Variants in CUX1 observed in about 807,000 individuals in gnomAD.
The protein encoded by CUX1 is cut like homeobox 1, also known as protein CASP.
A neutral mutation model predicts 158.8 loss-of-function variants in CUX1; 31 were observed. The ratio of observed to expected loss-of-function variants is 0.20; its 90% CI spans 0.15 to 0.26. The LOEUF (loss-of-function observed/expected upper bound fraction) is 0.26, where lower values mean the gene tolerates loss of function less well. Among genes scored for constraint, CUX1 ranks in the 10% least tolerant of loss-of-function variants. The probability of loss-of-function intolerance (pLI) is 1.00; values close to 1 mark genes in which losing one functional copy is unlikely to be tolerated. For synonymous variants in CUX1, 879 were observed against 862.1 expected (o/e 1.02, Z -0.34); for missense variants, 1,589 against 2,014.6 (o/e 0.79, Z 4.04).
chr7:102,205,264 A>G (rs1795834728), intron 20 of CUX1, 94 bp downstream of exon 20: 1 of 927,918 alleles, frequency 1.1e-6, no homozygotes, highest in Non-Finnish European at 1.8e-6. Context: ...ACTCCGAGGG[A>G]CCGCACATTC....
At chr7:101,971,175 T>C (rs1299105371) in intron 2 of CUX1, among the ~76,000 whole-genome samples, 1 of 152,252 alleles carries the variant, frequency 6.6e-6, no homozygotes, top group Non-Finnish European at 1.5e-5. Context: ...GAGCTCATAT[T>C]GAGTCTGGGT....
chr7:102,117,308 G>A (rs1831527247), intron 8 of CUX1, among the ~76,000 whole-genome samples: 1 of 145,358 alleles, frequency 6.9e-6, no homozygotes, highest in East Asian at 2.1e-4. Flanking sequence ...TGAGGCAGGA[G>A]AATCGCTTGA....
At chr7:102,123,465 C>G (rs1337728977) in intron 8 of CUX1, among the ~76,000 whole-genome samples, 2 of 150,824 alleles carry the variant, frequency 1.3e-5, no homozygotes, top group Admixed American at 6.6e-5. Context: ...AAAAATGAGC[C>G]AGGCGTGGTG....
intron 2 of CUX1, among the ~76,000 whole-genome samples, chr7:101,998,527 C>T (rs923511506): frequency 6.6e-6 from 1 of 152,210 alleles, no homozygotes; most frequent in African/African-American, 2.4e-5. Context: ...GGGCATCTGT[C>T]GTCTTCGTCC....
At chr7:102,134,712 C>T (rs1263102172) in intron 8 of CUX1, among the ~76,000 whole-genome samples, 1 of 152,206 alleles carries the variant, frequency 6.6e-6, no homozygotes, top group Non-Finnish European at 1.5e-5. Context: ...ATCCTCCCAC[C>T]TCAGCCTCCT....
At chr7:102,108,877 C>A (rs1263304644) in intron 6 of CUX1, among the ~76,000 whole-genome samples, 2 of 151,976 alleles carry the variant, frequency 1.3e-5, no homozygotes, top group African/African-American at 4.8e-5. Context: ...GCTTCAGCCT[C>A]CCAAATAGCT....
intron 6 of CUX1, among the ~76,000 whole-genome samples, chr7:102,106,674 A>C (rs1046510012): frequency 7.9e-5 from 12 of 152,194 alleles, no homozygotes; most frequent in African/African-American, 2.9e-4. Flanking sequence ...TTATGAGTAC[A>C]AAATATGAGT....
At chr7:101,999,297 C>G (rs1585225258) in intron 2 of CUX1, among the ~76,000 whole-genome samples, 1 of 127,778 alleles carries the variant, frequency 7.8e-6, no homozygotes, top group Non-Finnish European at 1.5e-5. Context: ...CTCATGTGAT[C>G]CTCCTGCCTC....
At chr7:102,020,359 A>T (rs10279171) in intron 2 of CUX1, among the ~76,000 whole-genome samples, 126,907 of 152,166 alleles carry the variant, frequency 0.83, 53,170 homozygotes, top group East Asian at 0.99. Context: ...CAAAAGAAAC[A>T]TCATTTTTCA....
chr7:101,969,624 A>G (rs925713577), intron 2 of CUX1, among the ~76,000 whole-genome samples: 1 of 152,176 alleles, frequency 6.6e-6, no homozygotes, highest in Non-Finnish European at 1.5e-5. Context: ...GGAACTTAAG[A>G]TGTAGCAGTT....
intron 6 of CUX1, among the ~76,000 whole-genome samples, chr7:102,107,976 C>G (rs1554489046): frequency 6.6e-6 from 1 of 152,176 alleles, no homozygotes; most frequent in East Asian, 1.9e-4. Flanking sequence ...AAGGCTCGGA[C>G]AGATGGGCAG....
intron 2 of CUX1, among the ~76,000 whole-genome samples, chr7:101,976,789 G>A (rs1585148786): frequency 2.6e-5 from 4 of 151,386 alleles, no homozygotes; most frequent in Admixed American, 2.6e-4. Flanking sequence ...GTCCTGCTCT[G>A]TCACAGTTCA....
chr7:101,863,352 TTTC>T (rs1359773953), intron 1 of CUX1, among the ~76,000 whole-genome samples: 2 of 150,500 alleles, frequency 1.3e-5, no homozygotes, highest in African/African-American at 2.5e-5. Flanking sequence ...TTTTTTTTTT[TTTC>T]TTCTTTTTTT....
chr7:102,152,235 C>T (rs1835773372), intron 8 of CUX1, among the ~76,000 whole-genome samples: 1 of 152,066 alleles, frequency 6.6e-6, no homozygotes, highest in Non-Finnish European at 1.5e-5. Flanking sequence ...CTATAAGTCC[C>T]AGCTACTCAA....
intron 2 of CUX1, among the ~76,000 whole-genome samples, chr7:101,941,809 CACGG>C (rs1305802360): frequency 2.0e-5 from 3 of 152,194 alleles, no homozygotes; most frequent in Non-Finnish European, 4.4e-5. Flanking sequence ...CCTTTGGACG[CACGG>C]GTTATGAGGG....
At chr7:101,839,672 C>CT (rs111309493) in intron 1 of CUX1, among the ~76,000 whole-genome samples, 91 of 146,880 alleles carry the variant, frequency 6.2e-4, no homozygotes, top group Middle Eastern at 3.6e-3. Context: ...ATTTTGTCCT[C>CT]TTTTTTTTTT....
intron 8 of CUX1, among the ~76,000 whole-genome samples, chr7:102,123,954 C>T (rs890557777): frequency 2.6e-5 from 4 of 152,074 alleles, no homozygotes; most frequent in South Asian, 2.1e-4. Flanking sequence ...TGAGCCACCG[C>T]GCCTGGCCAA....
intron 6 of CUX1, among the ~76,000 whole-genome samples, chr7:102,106,219 C>T (rs1341518435): frequency 6.0e-5 from 9 of 151,178 alleles, no homozygotes; most frequent in African/African-American, 2.2e-4. Flanking sequence ...TCCTGAGAAG[C>T]TGGGACTACA....
chr7:101,893,634 T>C (rs1481201977), intron 1 of CUX1, among the ~76,000 whole-genome samples: 1 of 152,220 alleles, frequency 6.6e-6, no homozygotes, highest in Non-Finnish European at 1.5e-5. Context: ...ATGCTGATGT[T>C]AGGGGCAGAG....
Sources: allele counts gnomAD v4.1 joint callset (sites outside exome capture counted in the v4.1 genomes callset), GRCh38; gene constraint gnomAD v4.1.1; transcripts MANE v1.5; gene names NCBI Gene and HGNC (gene_info 2026-07-23, HGNC 2026-07-21).